The following MMS22L variants were observed in gnomAD, a reference collection of about 807,000 sequenced individuals.
MMS22L encodes MMS22 like, DNA repair protein, also known as protein MMS22-like.
MMS22L carries 74 observed loss-of-function variants against 159.1 expected under a neutral mutation model. That is an observed-to-expected ratio of 0.47 (90% CI 0.39 to 0.56). The LOEUF (loss-of-function observed/expected upper bound fraction) is 0.56. Among genes scored for constraint, MMS22L ranks in the 20% least tolerant of loss-of-function variants. The probability of loss-of-function intolerance (pLI) is 0.00; values close to 1 mark genes in which losing one functional copy is unlikely to be tolerated. For missense variants in MMS22L, 1,351 were observed against 1,422.1 expected (o/e 0.95, Z 0.80); for synonymous variants, 517 against 506.9 (o/e 1.02, Z -0.27).
At chr6:97,213,270 A>T (rs1808595283) in intron 14 of MMS22L, among the ~76,000 whole-genome samples, 1 of 152,046 alleles carries the variant, frequency 6.6e-6, no homozygotes, top group Non-Finnish European at 1.5e-5. Flanking sequence ...GCCAGGCATG[A>T]TGGCGCATGC....
intron 10 of MMS22L, among the ~76,000 whole-genome samples, chr6:97,253,125 T>C (rs1187352055): frequency 6.6e-6 from 1 of 152,222 alleles, no homozygotes; most frequent in Non-Finnish European, 1.5e-5. Context: ...GTGTGTGAAC[T>C]TCTCAGAGCA....
intron 2 of MMS22L, among the ~76,000 whole-genome samples, chr6:97,281,993 A>G (rs1188707581): frequency 6.6e-6 from 1 of 152,094 alleles, no homozygotes; most frequent in African/African-American, 2.4e-5. Context: ...ATATTATCAC[A>G]CTCTTTAGAA....
chr6:97,257,265 A>G (rs1813917350), intron 9 of MMS22L, among the ~76,000 whole-genome samples: 1 of 152,160 alleles, frequency 6.6e-6, no homozygotes, highest in Non-Finnish European at 1.5e-5. Context: ...TATATTATGC[A>G]TAACAGATCT....
At position 97,280,364 on chromosome 6, in the gene MMS22L, C is replaced by T. The variant is rs572633641; in HGVS notation, c.290+873G>A. On this transcript the variant is annotated intron_variant, in intron 3 of 24. Transcript: ENST00000683635. ...GAGTTTTTTTTTTGAGACAGAGTCT[C>T]GCTCTGTCACCCAGGCTGGAGTACA... 1.9e-4 allele frequency among the ~76,000 whole-genome samples: 29 copies of T among 151,882 alleles called. No homozygotes were observed. In the East Asian group the frequency reaches 2.3e-3, roughly 12 times the overall value.
Position 97,238,572 on chromosome 6 carries a change from C to CGTGTGTGTGTGT in MMS22L, c.1183-4604_1183-4593dup, listed in dbSNP as rs71740630. Among the ~76,000 whole-genome samples the CGTGTGTGTGTGT allele has an allele frequency of 7.0e-3, 642 of 91,510 alleles. 3 individuals are homozygous for CGTGTGTGTGTGT. The highest frequency in any genetic ancestry group is 0.026 in the Middle Eastern group (4 of 152). 60.0% of individuals were successfully genotyped at this position (91,510 alleles called of 152,430 possible). On this transcript the variant is annotated intron_variant, in intron 11 of 24. Coordinates refer to ENST00000683635, the MANE Select transcript of MMS22L (RefSeq NM_001350599.2). ...TATGGGCTCTCAGCGTGTCTCATCT[C>CGTGTGTGTGTGT]GTGTGTGTGTGTGTGTGTGTGTGTG... is the stretch of plus-strand genomic sequence containing the variant.
At chr6:97,240,918 C>G (rs1562495785) in intron 11 of MMS22L, among the ~76,000 whole-genome samples, 1 of 152,190 alleles carries the variant, frequency 6.6e-6, no homozygotes, top group Non-Finnish European at 1.5e-5. Flanking sequence ...TGAGCCACCA[C>G]ACCCGGCCTG....
In MMS22L at chr6:97,278,426, A is replaced by C. The variant is rs138579335; in HGVS notation, c.340+423T>G. On this transcript the variant is annotated intron_variant, in intron 4 of 24. Coordinates refer to ENST00000683635, the MANE Select transcript of MMS22L (RefSeq NM_001350599.2). ...TCAAAAAAAAAAAAAGCAAAAAAAA[A>C]CCAACTATACCAATCTAAACAAAAG... 2.4e-4 allele frequency among the ~76,000 whole-genome samples: 36 copies of C among 151,894 alleles called. No individual in the cohort carries two copies. In the East Asian group the frequency reaches 3.7e-3, roughly 16 times the overall value.
chr6:97,161,310 T>G (rs997953233), intron 22 of MMS22L, among the ~76,000 whole-genome samples: 3 of 152,064 alleles, frequency 2.0e-5, no homozygotes, highest in Non-Finnish European at 2.9e-5. Flanking sequence ...CTGATCACAC[T>G]CAGCTGTTAA....
chr6:97,191,897 T>A (rs376755120), intron 14 of MMS22L, among the ~76,000 whole-genome samples: 2 of 152,300 alleles, frequency 1.3e-5, no homozygotes, highest in Admixed American at 6.5e-5. Context: ...GTGGAAGTTA[T>A]CCAAAAAATC....
intron 21 of MMS22L, among the ~76,000 whole-genome samples, chr6:97,163,596 T>C (rs1802665123): frequency 6.6e-6 from 1 of 152,124 alleles, no homozygotes. Context: ...ATTTAGTTTG[T>C]ACTATAATTA....
intron 22 of MMS22L, among the ~76,000 whole-genome samples, chr6:97,152,488 T>C (rs1231369626): frequency 1.3e-5 from 2 of 148,656 alleles, no homozygotes; most frequent in African/African-American, 2.6e-5. Flanking sequence ...AGAAAGGATG[T>C]AGAAAACCCA....
chr6:97,175,351 T>C (rs1804010034), intron 18 of MMS22L, among the ~76,000 whole-genome samples: 2 of 152,144 alleles, frequency 1.3e-5, no homozygotes, highest in Non-Finnish European at 2.9e-5. Flanking sequence ...GCTTCAAAAA[T>C]ATATGTGGCT....
intron 15 of MMS22L, among the ~76,000 whole-genome samples, chr6:97,185,526 T>C (rs771155778): frequency 1.3e-5 from 2 of 152,202 alleles, no homozygotes; most frequent in Non-Finnish European, 2.9e-5. Context: ...ATATCATCTA[T>C]TAATGACTGC....
chr6:97,186,642 G>A lies in MMS22L; in HGVS notation c.2088C>T (p.Asp696=). Residue 696 remains aspartate (D), a synonymous_variant, in exon 15 of 25, where the codon GAC becomes GAT. Transcript: ENST00000683635. ...CCGATAATGAAGACTGTACAAATAG[G>A]TCCACATTGTCCCTTTGAAGTTCCT... ...LCQELQRDNV[D]LFVQSSLSAK... The A allele has an allele frequency of 6.3e-7, 1 of 1,584,922 alleles. No homozygotes were observed. Among genetic ancestry groups the A allele is most frequent in the Non-Finnish European group, 8.6e-7 (1 of 1,167,910 alleles).
At chr6:97,222,457 T>A (rs1296445254) in intron 14 of MMS22L, among the ~76,000 whole-genome samples, 1 of 152,100 alleles carries the variant, frequency 6.6e-6, no homozygotes, top group Non-Finnish European at 1.5e-5. Context: ...TATTTAGCAT[T>A]TTAGGCAAGT....
Position 97,161,991 on chromosome 6 carries a change from T to G in MMS22L, c.3385+11A>C. The G allele has an allele frequency of 1.2e-6, 2 of 1,600,968 alleles. No individual in the cohort carries two copies. Among genetic ancestry groups the G allele is most frequent in the Non-Finnish European group, 1.7e-6 (2 of 1,176,268 alleles). On this transcript the variant is annotated intron_variant, in intron 22 of 24. Coordinates refer to ENST00000683635, the MANE Select transcript of MMS22L (RefSeq NM_001350599.2). ...AAGAAAATGGTAACAAAAATAAGCT[T>G]ACAAACAAACCTTGTGGTTCACTGA...
rs769454734 is a variant in MMS22L, at chr6:97,273,007, T to G, written c.396A>C (p.Leu132=). The change falls in exon 5 of 25, where the codon CTA becomes CTC. Residue 132 remains leucine, a synonymous_variant. Coordinates refer to ENST00000683635, the MANE Select transcript of MMS22L (RefSeq NM_001350599.2). ...TGAAAACTTTAACATAATGGAGAAATAGTACACACTGCTGCCTAATATTGT... is the reference window on the plus strand; with the variant it reads ...TGAAAACTTTAACATAATGGAGAAAGAGTACACACTGCTGCCTAATATTGT... ...KADNIRQQCV[L]FLHYVKVFIF... 9.9e-6 allele frequency: 16 copies of G among 1,612,948 alleles called. No individual in the cohort carries two copies. The highest frequency in any genetic ancestry group is 1.4e-5 in the Non-Finnish European group (16 of 1,179,762).
chr6:97,244,768 T>C (rs1562499903), intron 11 of MMS22L, among the ~76,000 whole-genome samples: 1 of 152,112 alleles, frequency 6.6e-6, no homozygotes, highest in Non-Finnish European at 1.5e-5. Context: ...CCCATATATA[T>C]TAGTTCTGTC....
chr6:97,174,260 TAA>T (rs966525669), intron 18 of MMS22L, among the ~76,000 whole-genome samples: 5 of 128,582 alleles, frequency 3.9e-5, no homozygotes, highest in African/African-American at 1.2e-4. Flanking sequence ...AAAAAAAAAA[TAA>T]AAAAAAAAAA....
Sources: gnomAD v4.1 joint callset for allele counts (sites outside exome capture counted in the v4.1 genomes callset) on GRCh38, gnomAD v4.1.1 for gene constraint, MANE v1.5 for transcripts, NCBI Gene and HGNC (gene_info 2026-07-23, HGNC 2026-07-21) for gene names.